The following TEX36 variants were observed in gnomAD, a reference collection of about 807,000 sequenced individuals.
TEX36 encodes testis-expressed protein 36.
A neutral mutation model predicts 13.6 loss-of-function variants in TEX36; 12 were observed. That is an observed-to-expected ratio of 0.88 (90% CI 0.56 to 1.43). TEX36 has a LOEUF of 1.43. Among genes scored for constraint, TEX36 ranks in the 40% most tolerant of loss-of-function variants. TEX36 has a pLI of 0.00. For synonymous variants in TEX36, 93 were observed against 83.0 expected (o/e 1.12, Z -0.65); for missense variants, 224 against 228.3 (o/e 0.98, Z 0.12).
chr10:125,577,396 G>T lies in TEX36; in HGVS notation c.265-522C>A, dbSNP rs1185275336. On this transcript the variant is annotated intron_variant, in intron 3 of 3. Coordinates refer to the TEX36 transcript ENST00000532135. ...GCCTGTAATCCCAGCTGCTCAGAAGGCTTGAGGTGGGAGCATCACTTTAGC... is the reference window on the plus strand; with the variant it reads ...GCCTGTAATCCCAGCTGCTCAGAAGTCTTGAGGTGGGAGCATCACTTTAGC... Among the ~76,000 whole-genome samples the T allele has an allele frequency of 1.2e-4, 18 of 152,194 alleles. 1 individual carries two copies. The highest frequency in any genetic ancestry group is 1.2e-3 in the Admixed American group (18 of 15,290).
At chr10:125,582,227 A>G (rs1845892032) in intron 3 of TEX36, among the ~76,000 whole-genome samples, 1 of 152,230 alleles carries the variant, frequency 6.6e-6, no homozygotes, top group Admixed American at 6.5e-5. Flanking sequence ...CTGATGCATC[A>G]TCCCTAAGAA....
intron 3 of TEX36, among the ~76,000 whole-genome samples, chr10:125,645,429 A>G (rs1212047327): frequency 1.3e-5 from 2 of 152,130 alleles, no homozygotes; most frequent in African/African-American, 4.8e-5. Context: ...CTGAGAGAGC[A>G]CATTGGCATG....
exon 4 of TEX36, chr10:125,576,861 G>A: frequency 6.5e-7 from 1 of 1,536,108 alleles, no homozygotes; most frequent in Non-Finnish European, 8.7e-7. Flanking sequence ...TGGGTCCGTT[G>A]CTGTCATTCT....
chr10:125,678,988 G>A (rs1356349244), intron 1 of TEX36, among the ~76,000 whole-genome samples: 1 of 152,136 alleles, frequency 6.6e-6, no homozygotes. Flanking sequence ...TGTCACTGGA[G>A]GGAGGGGTTG....
intron 3 of TEX36, among the ~76,000 whole-genome samples, chr10:125,630,785 C>T (rs572338766): frequency 6.6e-6 from 1 of 152,244 alleles, no homozygotes; most frequent in Admixed American, 6.5e-5. Context: ...CTTCCCACTT[C>T]CACTGGAATG....
intron 3 of TEX36, among the ~76,000 whole-genome samples, chr10:125,582,001 T>C (rs1357773142): frequency 6.6e-6 from 1 of 152,214 alleles, no homozygotes; most frequent in Non-Finnish European, 1.5e-5. Flanking sequence ...CAGTGACGCA[T>C]GGTCTTAGGG....
chr10:125,647,077 T>A (rs1022604150), intron 3 of TEX36, among the ~76,000 whole-genome samples: 1 of 152,230 alleles, frequency 6.6e-6, no homozygotes, highest in Non-Finnish European at 1.5e-5. Context: ...AAATAGAGTT[T>A]GTCCCAAGAA....
downstream of TEX36, among the ~76,000 whole-genome samples, chr10:125,655,449 T>TA (rs541864219): frequency 2.8e-3 from 432 of 151,968 alleles, no homozygotes; most frequent in Non-Finnish European, 4.5e-3. Flanking sequence ...AAAACAAAAT[T>TA]AAAAAAAAGT....
intron 3 of TEX36, among the ~76,000 whole-genome samples, chr10:125,642,979 A>G (rs1048303619): frequency 6.6e-6 from 1 of 152,230 alleles, no homozygotes; most frequent in African/African-American, 2.4e-5. Flanking sequence ...CAGGTCGGCT[A>G]CAAATGTATT....
intron 3 of TEX36, among the ~76,000 whole-genome samples, chr10:125,580,941 A>G (rs566288440): frequency 3.9e-5 from 6 of 152,146 alleles, no homozygotes; most frequent in Non-Finnish European, 7.4e-5. Flanking sequence ...GTGGCCTGAG[A>G]TGGAGCAACC....
downstream of TEX36, chr10:125,655,657 G>A: frequency 1.3e-5 from 15 of 1,190,840 alleles, no homozygotes; most frequent in Middle Eastern, 3.4e-4. Flanking sequence ...AAATGTGACC[G>A]TATATTAAGG....
chr10:125,618,514 C>A (rs1846385987), downstream of TEX36, among the ~76,000 whole-genome samples: 3 of 152,002 alleles, frequency 2.0e-5, no homozygotes, highest in African/African-American at 7.3e-5. Flanking sequence ...CAGACAGGAC[C>A]CTCAGCTGCA....
intron 3 of TEX36, among the ~76,000 whole-genome samples, chr10:125,597,399 G>C (rs1004228366): frequency 1.3e-5 from 2 of 152,186 alleles, no homozygotes; most frequent in African/African-American, 4.8e-5. Flanking sequence ...ATTTATTACA[G>C]GGTGCTGAGC....
In TEX36 at chr10:125,642,967, G is replaced by A. The variant is rs1294701310; in HGVS notation, c.264+18054C>T. On this transcript the variant is annotated intron_variant, in intron 3 of 3. Transcript: ENST00000526819. ...CTAGACAGGATCAAATTGGGCACAGGTCAGGTCGGCTACAAATGTATTCAC... is the reference window on the plus strand; with the variant it reads ...CTAGACAGGATCAAATTGGGCACAGATCAGGTCGGCTACAAATGTATTCAC... Among the ~76,000 whole-genome samples, 5 of 152,322 alleles carry A rather than the reference G, an allele frequency of 3.3e-5. No individual in the cohort carries two copies. In the East Asian group the frequency reaches 9.6e-4, roughly 29 times the overall value.
chr10:125,659,650 G>C (rs888481305), intron 3 of TEX36, among the ~76,000 whole-genome samples: 14 of 152,150 alleles, frequency 9.2e-5, no homozygotes, highest in Admixed American at 2.6e-4. Flanking sequence ...ATTTAGTTAA[G>C]ACACTGTAGT....
chr10:125,614,647 G>GTT (rs1846334910), intron 3 of TEX36, among the ~76,000 whole-genome samples: 1 of 152,034 alleles, frequency 6.6e-6, no homozygotes, highest in African/African-American at 2.4e-5. Flanking sequence ...CTATATCTCT[G>GTT]TTTTGGTACC....
intron 3 of TEX36, among the ~76,000 whole-genome samples, chr10:125,628,752 A>G (rs189042017): frequency 1.2e-3 from 181 of 152,300 alleles, no homozygotes; most frequent in African/African-American, 3.9e-3. Flanking sequence ...AAGCTGGGGG[A>G]TAAAAAGTAA....
At chr10:125,601,788 C>T (rs894700605) in intron 3 of TEX36, among the ~76,000 whole-genome samples, 20 of 152,178 alleles carry the variant, frequency 1.3e-4, no homozygotes, top group Non-Finnish European at 2.8e-4. Context: ...TGTATCACAG[C>T]CCATGAACTC....
intron 3 of TEX36, among the ~76,000 whole-genome samples, chr10:125,659,484 G>C (rs142996230): frequency 6.6e-6 from 1 of 152,164 alleles, no homozygotes; most frequent in Non-Finnish European, 1.5e-5. Flanking sequence ...ATACAATTCT[G>C]TATGATTTCA....
Sources: allele counts gnomAD v4.1 joint callset (sites outside exome capture counted in the v4.1 genomes callset), GRCh38; gene constraint gnomAD v4.1.1; transcripts MANE v1.5; gene names NCBI Gene and HGNC (gene_info 2026-07-23, HGNC 2026-07-21).